The following NCBP3 variants were observed in gnomAD, a reference collection of about 807,000 sequenced individuals.
NCBP3 encodes the protein nuclear cap-binding protein subunit 3.
A neutral mutation model predicts 75.7 loss-of-function variants in NCBP3; 20 were observed. The ratio of observed to expected loss-of-function variants is 0.26; its 90% CI spans 0.19 to 0.38. NCBP3 has a LOEUF of 0.38. Ranked by LOEUF, NCBP3 falls within the 10% of genes least tolerant of loss-of-function variation. The pLI is 1.00. For missense variants in NCBP3, 678 were observed against 796.9 expected, an observed-to-expected ratio of 0.85 and a Z score of 1.80; for synonymous variants, 293 against 290.5, an observed-to-expected ratio of 1.01 and a Z score of -0.09.
intron 7 of NCBP3, chr17:3,822,928 T>C (rs1397018954): frequency 6.6e-6 from 1 of 152,152 alleles, no homozygotes; most frequent in Non-Finnish European, 1.5e-5. Flanking sequence ...TGTTGTGCCA[T>C]AAAGAAAGAA....
At chr17:3,813,830 A>C (rs1451607991) in intron 12 of NCBP3, among the ~76,000 whole-genome samples, 1 of 151,974 alleles carries the variant, frequency 6.6e-6, no homozygotes, top group Non-Finnish European at 1.5e-5. Context: ...CGCCCGGCTC[A>C]TTTTTGTGTT....
chr17:3,822,327 G>A (rs1042931386), intron 7 of NCBP3: 7 of 280,322 alleles, frequency 2.5e-5, no homozygotes, highest in Middle Eastern at 2.1e-3. Flanking sequence ...CAAGATACAA[G>A]GTTCCAAAAG....
At position 3,811,968 on chromosome 17, in the gene NCBP3, A is replaced by C. The variant is rs1331868830; in HGVS notation, c.*1076T>G. On this transcript the variant is annotated 3_prime_UTR_variant, in exon 13 of 13. Coordinates refer to ENST00000389005, the MANE Select transcript of NCBP3 (RefSeq NM_001114118.3). The stretch of plus-strand genomic sequence containing the variant: ...TGTCTTCAGGTGCCACAACGTGGGG[A>C]CAGAAAGAATAAATATCAATGTATA... The C allele has an allele frequency of 2.6e-5, 4 of 152,248 alleles. No homozygotes were observed. Among genetic ancestry groups the C allele is most frequent in the Non-Finnish European group, 4.4e-5 (3 of 68,042 alleles). The allele number at this position is 152,248 out of a possible 1,614,324, so 9.4% of individuals were successfully genotyped here. A position where few individuals can be genotyped will look rare whatever the true frequency, so the allele number is the denominator to read the frequency against.
chr17:3,819,782 AT>A (rs2053627233), intron 9 of NCBP3, among the ~76,000 whole-genome samples: 1 of 152,216 alleles, frequency 6.6e-6, no homozygotes, highest in African/African-American at 2.4e-5. Flanking sequence ...ACTATTTATT[AT>A]GAAAACAAAT....
At chr17:3,840,298 TA>T in intron 2 of NCBP3, 93 bp from the exon 3 acceptor site, 5 of 1,007,700 alleles carry the variant, frequency 5.0e-6, no homozygotes, top group Non-Finnish European at 7.5e-6. Flanking sequence ...AAACCTGAAC[TA>T]AAAAAGAAGA....
rs2053357976 is a variant in NCBP3, at chr17:3,808,311, A to G, written c.*4733T>C. The G allele has an allele frequency of 1.3e-5, 2 of 152,268 alleles. No individual in the cohort carries two copies. Among genetic ancestry groups the G allele is most frequent in the South Asian group, 2.1e-4 (1 of 4,834 alleles). The allele number at this position is 152,268 out of a possible 1,614,324, so 9.4% of individuals were successfully genotyped here. A position where few individuals can be genotyped will look rare whatever the true frequency, so the allele number is the denominator to read the frequency against. ...TGGGACCTCAAGATGTTGGTCTTCA[A>G]TAGGGCACCTTCCTTAGATTTCTAA... On this transcript the variant is annotated 3_prime_UTR_variant, in exon 13 of 13. Coordinates refer to ENST00000389005, the MANE Select transcript of NCBP3 (RefSeq NM_001114118.3).
At chr17:3,814,611 G>C in intron 11 of NCBP3, 128 bp from the exon 12 acceptor site, 1 of 883,540 alleles carries the variant, frequency 1.1e-6, no homozygotes, top group African/African-American at 1.7e-5. Context: ...CAATCAGGCT[G>C]CTAAGTATTC....
chr17:3,846,019 A>AC lies in NCBP3; in HGVS notation c.183+21dup. On this transcript the variant is annotated intron_variant, in intron 1 of 12. Coordinates refer to ENST00000389005, the MANE Select transcript of NCBP3 (RefSeq NM_001114118.3). The surrounding 1 kb of genome is among the most constrained non-coding windows in gnomAD (Gnocchi z 4.6). ...ACACTAGCCCCGCGACCTCTTCCTT[A>AC]CCCCCCGACCCCCGCCCGTACCGGG... 6.5e-7 allele frequency: 1 copy of AC among 1,532,296 alleles called. No individual in the cohort carries two copies. The highest frequency in any genetic ancestry group is 8.8e-7 in the Non-Finnish European group (1 of 1,138,586). 94.9% of individuals were successfully genotyped at this position (1,532,296 alleles called of 1,614,324 possible). A position where few individuals can be genotyped will look rare whatever the true frequency, so the allele number is the denominator to read the frequency against.
chr17:3,817,124 A>G (rs2053549387), intron 10 of NCBP3, among the ~76,000 whole-genome samples: 1 of 152,170 alleles, frequency 6.6e-6, no homozygotes, highest in Admixed American at 6.5e-5. Flanking sequence ...TACGTTACAC[A>G]GAGCATCCCT....
At position 3,818,499 on chromosome 17, in the gene NCBP3, T is replaced by TTCTTCC. The variant is rs566489528; in HGVS notation, c.1068_1073dup (p.Glu358_Glu359dup). 11 of 1,613,580 alleles carry TTCTTCC rather than the reference T, an allele frequency of 6.8e-6. No homozygotes were observed. The highest frequency in any genetic ancestry group is 4.4e-5 in the South Asian group (4 of 91,080). ...CATCTGCATCCATGTCCTGGTCTTC[T>TTCTTCC]TCTTCCTCTTCCTCTTCCTCCTCCT... On this transcript the variant is annotated inframe_insertion, in exon 10 of 13. Transcript: ENST00000389005. The surrounding 1 kb of genome is among the most constrained non-coding windows in gnomAD (Gnocchi z 4.7).
Position 3,818,484 on chromosome 17 carries a change from C to G in NCBP3, c.1089G>C (p.Met363Ile). 1 of 1,613,958 alleles carries G rather than the reference C, an allele frequency of 6.2e-7. No individual in the cohort carries two copies. The highest frequency in any genetic ancestry group is 1.1e-5 in the South Asian group (1 of 91,076). ...EEEEEEEDQD[M>I]DADDRVVVEY... The stretch of plus-strand genomic sequence containing the variant: ...CTACCACCACTCTGTCATCTGCATC[C>G]ATGTCCTGGTCTTCTTCTTCCTCTT... Residue 363 changes from methionine (M) to isoleucine (I), a missense_variant, in exon 10 of 13, where the codon ATG becomes ATC. This residue lies in a region of NCBP3 where 365 missense variants were observed against 392.7 expected (regional missense o/e 0.93). Coordinates refer to ENST00000389005, the MANE Select transcript of NCBP3 (RefSeq NM_001114118.3). This position sits in a 1 kb window ranked among gnomAD's most constrained non-coding sequence, Gnocchi z 4.7.
chr17:3,814,266 C>T, intron 12 of NCBP3, 56 bp downstream of exon 12: 2 of 1,561,082 alleles, frequency 1.3e-6, no homozygotes, highest in Non-Finnish European at 1.7e-6. Context: ...CCAATACACC[C>T]ACTGTCCTCT....
chr17:3,839,206 A>G (rs556158765), intron 3 of NCBP3, among the ~76,000 whole-genome samples: 1 of 152,316 alleles, frequency 6.6e-6, no homozygotes, highest in African/African-American at 2.4e-5. Context: ...AAATACCCCA[A>G]AAAAACACAA....
In NCBP3 at chr17:3,818,649, C is replaced by G. The variant is rs2053602073; in HGVS notation, c.1001-77G>C. 3 of 1,487,946 alleles carry G rather than the reference C, an allele frequency of 2.0e-6. No homozygotes were observed. The highest frequency in any genetic ancestry group is 2.2e-5 in the Admixed American group (1 of 46,012). The allele number at this position is 1,487,946 out of a possible 1,614,324, so 92.2% of individuals were successfully genotyped here. On this transcript the variant is annotated intron_variant, in intron 9 of 12. Transcript: ENST00000389005. This position sits in a 1 kb window ranked among gnomAD's most constrained non-coding sequence, Gnocchi z 4.7. ...ATGATTTTCTACTCTACATCGGTGACCTTTTTAAAAGGTGGGGTTCCCATC... is the reference window on the plus strand; with the variant it reads ...ATGATTTTCTACTCTACATCGGTGAGCTTTTTAAAAGGTGGGGTTCCCATC...
chr17:3,838,027 C>T (rs2054005516), intron 3 of NCBP3, among the ~76,000 whole-genome samples: 1 of 152,032 alleles, frequency 6.6e-6, no homozygotes, highest in South Asian at 2.1e-4. Flanking sequence ...CAAAAGTGAT[C>T]CTATTAAGGT....
At chr17:3,845,932 C>T (rs568377783) in intron 1 of NCBP3, 109 bp downstream of exon 1, 2 of 1,282,766 alleles carry the variant, frequency 1.6e-6, no homozygotes, top group South Asian at 1.4e-5. Context: ...TCCTCTCCCG[C>T]TCCCTTGACT....
In NCBP3 at chr17:3,846,199, C is replaced by T. The variant is rs2054162183; in HGVS notation, c.25G>A (p.Val9Met). Residue 9 changes from valine to methionine, a missense_variant, in exon 1 of 13, where the codon GTG (valine) becomes ATG (methionine). Transcript: ENST00000389005. This position sits in a 1 kb window ranked among gnomAD's most constrained non-coding sequence, Gnocchi z 4.6. The part of the protein sequence containing the change: MAAVRGLR[V>M]SVKAEAPAGP... ...GCCGGGGCCTCCGCCTTCACCGACA[C>T]CCGCAGGCCCCGTACGGCCGCCATC... 2 of 1,482,488 alleles carry T rather than the reference C, an allele frequency of 1.3e-6. No individual in the cohort carries two copies. Among genetic ancestry groups the T allele is most frequent in the Non-Finnish European group, 1.8e-6 (2 of 1,119,122 alleles). The allele number at this position is 1,482,488 out of a possible 1,614,324, so 91.8% of individuals were successfully genotyped here.
At chr17:3,838,745 G>T (rs2054017634) in intron 3 of NCBP3, among the ~76,000 whole-genome samples, 1 of 152,176 alleles carries the variant, frequency 6.6e-6, no homozygotes, top group Non-Finnish European at 1.5e-5. Flanking sequence ...AAACTTCTTT[G>T]AGCCTGCTTC....
intron 1 of NCBP3, 113 bp downstream of exon 1, chr17:3,845,922 TCCTCTC>T: frequency 8.5e-7 from 1 of 1,182,664 alleles, no homozygotes; most frequent in South Asian, 1.6e-5. Flanking sequence ...GCTGGCTCCC[TCCTCTC>T]CCGCTCCCTT....
Sources: allele counts gnomAD v4.1 joint callset (sites outside exome capture counted in the v4.1 genomes callset), GRCh38; gene constraint gnomAD v4.1.1; regional missense constraint gnomAD v4.1.1; non-coding constraint Gnocchi (gnomAD v3.1); transcripts MANE v1.5; gene names NCBI Gene and HGNC (gene_info 2026-07-23, HGNC 2026-07-21).